NAALADL2: variants seen among roughly 807,000 people sequenced by gnomAD.
NAALADL2 encodes N-acetylated alpha-linked acidic dipeptidase like 2.
A neutral mutation model predicts 87.2 loss-of-function variants in NAALADL2; 76 were observed. The ratio of observed to expected loss-of-function variants is 0.87; its 90% CI spans 0.72 to 1.05. The LOEUF (loss-of-function observed/expected upper bound fraction) is 1.05, where lower values mean the gene tolerates loss of function less well. Among genes scored for constraint, NAALADL2 ranks in the 50% least tolerant of loss-of-function variants. NAALADL2 has a pLI of 0.00. For synonymous variants in NAALADL2, 354 were observed against 331.0 expected, an observed-to-expected ratio of 1.07 and a Z score of -0.75; for missense variants, 1,089 against 945.8, an observed-to-expected ratio of 1.15 and a Z score of -1.99.
chr3:174,579,569 A>G (rs952899755), intron 2 of NAALADL2, among the ~76,000 whole-genome samples: 1 of 152,092 alleles, frequency 6.6e-6, no homozygotes, highest in African/African-American at 2.4e-5. Context: ...TGAGGAATAC[A>G]TGAGTGGGCA....
chr3:175,470,752 G>C (rs1432304129), intron 8 of NAALADL2, among the ~76,000 whole-genome samples: 1 of 152,074 alleles, frequency 6.6e-6, no homozygotes, highest in Non-Finnish European at 1.5e-5. Flanking sequence ...AATTTTGTGT[G>C]GTAAGGAGCA....
chr3:175,512,815 C>T (rs537727390), intron 9 of NAALADL2, among the ~76,000 whole-genome samples: 4 of 152,254 alleles, frequency 2.6e-5, no homozygotes, highest in East Asian at 3.9e-4. Flanking sequence ...CTGGGTGAGA[C>T]GTGAAAGGCG....
intron 11 of NAALADL2, among the ~76,000 whole-genome samples, chr3:175,691,938 T>C (rs1016801621): frequency 1.3e-5 from 2 of 152,158 alleles, no homozygotes; most frequent in East Asian, 1.9e-4. Context: ...GGTAAACCTT[T>C]CACCTTCAGG....
chr3:174,454,032 A>T lies in NAALADL2; in HGVS notation c.-184+13000A>T, dbSNP rs543756119. Among the ~76,000 whole-genome samples, 12 of 152,280 alleles carry T rather than the reference A, an allele frequency of 7.9e-5. No homozygotes were observed. In the South Asian group the frequency reaches 2.3e-3, roughly 29 times the overall value. ...CTATCTCAAATGCAATGACACCCACAGGCTTAAAATAAAGGGATGGAGAGA... is the reference window on the plus strand; with the variant it reads ...CTATCTCAAATGCAATGACACCCACTGGCTTAAAATAAAGGGATGGAGAGA... On this transcript the variant is annotated intron_variant, in intron 1 of 3. Transcript: ENST00000434257.
At chr3:175,759,213 A>G (rs1278345079) in intron 13 of NAALADL2, among the ~76,000 whole-genome samples, 2 of 152,168 alleles carry the variant, frequency 1.3e-5, no homozygotes, top group Non-Finnish European at 2.9e-5. Flanking sequence ...CATCTAATTC[A>G]AGAGCTAAAA....
chr3:174,836,642 G>T (rs1262499102), intron 3 of NAALADL2, among the ~76,000 whole-genome samples: 1 of 145,938 alleles, frequency 6.9e-6, no homozygotes, highest in Non-Finnish European at 1.5e-5. Flanking sequence ...CCGGGAGGCG[G>T]AGCTTGCAGT....
intron 4 of NAALADL2, 76 bp from the exon 5 acceptor site, chr3:175,324,099 C>G: frequency 1.8e-6 from 2 of 1,099,910 alleles, no homozygotes; most frequent in Non-Finnish European, 2.6e-6. Context: ...TTATCATAGC[C>G]ACATTGGCAA....
chr3:174,932,036 G>C (rs1376344143), intron 1 of NAALADL2, among the ~76,000 whole-genome samples: 1 of 152,172 alleles, frequency 6.6e-6, no homozygotes, highest in Non-Finnish European at 1.5e-5. Context: ...TTTGTGTTGA[G>C]ATTTTTAAAA....
intron 2 of NAALADL2, among the ~76,000 whole-genome samples, chr3:175,111,007 A>AAT (rs1724099740): frequency 6.6e-6 from 1 of 151,658 alleles, no homozygotes; most frequent in Non-Finnish European, 1.5e-5. Flanking sequence ...TCTAGTGTCT[A>AAT]GTTTAGAAAA....
In NAALADL2 at chr3:174,934,832, T is replaced by C. The variant is rs147900059; in HGVS notation, c.43+75382T>C. The stretch of plus-strand genomic sequence containing the variant: ...AATAAAACATAAAGTTTGAAGGATA[T>C]TATGATAGAGGAATTATAGGATACG... On this transcript the variant is annotated intron_variant, in intron 1 of 13. Transcript: ENST00000454872. Among the ~76,000 whole-genome samples the C allele has an allele frequency of 3.9e-3, 599 of 152,258 alleles. 7 individuals carry two copies. The highest frequency in any genetic ancestry group is 5.5e-3 in the Non-Finnish European group (371 of 68,030).
At chr3:175,407,164 A>G (rs1420056457) in intron 5 of NAALADL2, among the ~76,000 whole-genome samples, 2 of 152,182 alleles carry the variant, frequency 1.3e-5, no homozygotes, top group African/African-American at 4.8e-5. Flanking sequence ...AACCTGGGAG[A>G]CAGAACGAGA....
intron 2 of NAALADL2, among the ~76,000 whole-genome samples, chr3:174,628,740 A>G (rs966717516): frequency 6.6e-6 from 1 of 152,078 alleles, no homozygotes; most frequent in Non-Finnish European, 1.5e-5. Context: ...TTTTTTGTGC[A>G]TTATATACAA....
At chr3:175,790,564 A>C (rs1304403621) in intron 13 of NAALADL2, among the ~76,000 whole-genome samples, 6 of 152,202 alleles carry the variant, frequency 3.9e-5, no homozygotes, top group African/African-American at 1.4e-4. Flanking sequence ...TTCTAGATTT[A>C]CTTTCTTGTT....
At chr3:175,122,713 C>G (rs1269059422) in intron 2 of NAALADL2, among the ~76,000 whole-genome samples, 1 of 151,826 alleles carries the variant, frequency 6.6e-6, no homozygotes, top group African/African-American at 2.4e-5. Flanking sequence ...TCTGGCCTCA[C>G]TGCACTCACA....
intron 11 of NAALADL2, among the ~76,000 whole-genome samples, chr3:175,685,490 A>T (rs971274189): frequency 7.8e-6 from 1 of 127,424 alleles, no homozygotes; most frequent in African/African-American, 2.9e-5. Flanking sequence ...GTGTGTGTGT[A>T]ATCAGTTAAA....
At chr3:174,619,306 A>T (rs1287553722) in intron 2 of NAALADL2, among the ~76,000 whole-genome samples, 2 of 151,936 alleles carry the variant, frequency 1.3e-5, no homozygotes, top group Admixed American at 1.3e-4. Flanking sequence ...TCCCAGCACC[A>T]TGGGTTTTCT....
intron 1 of NAALADL2, among the ~76,000 whole-genome samples, chr3:174,528,882 C>T (rs147266715): frequency 4.9e-4 from 74 of 152,258 alleles, no homozygotes; most frequent in Admixed American, 1.4e-3. Context: ...CACTGGGTCC[C>T]TCCCACAATA....
intron 13 of NAALADL2, among the ~76,000 whole-genome samples, chr3:175,760,398 G>T (rs1433199095): frequency 1.3e-5 from 2 of 152,144 alleles, no homozygotes; most frequent in African/African-American, 4.8e-5. Flanking sequence ...TGAGTAAGGG[G>T]AGAGGGAAAG....
At chr3:175,739,600 T>C (rs1407915949) in intron 12 of NAALADL2, among the ~76,000 whole-genome samples, 2 of 152,240 alleles carry the variant, frequency 1.3e-5, no homozygotes, top group African/African-American at 4.8e-5. Flanking sequence ...AATTTTTGCA[T>C]GTAATCCCCA....
Sources: gnomAD v4.1 joint callset for allele counts (sites outside exome capture counted in the v4.1 genomes callset) on GRCh38, gnomAD v4.1.1 for gene constraint, MANE v1.5 for transcripts, NCBI Gene and HGNC (gene_info 2026-07-23, HGNC 2026-07-21) for gene names.